Variants in ACBD6 observed in about 807,000 individuals in gnomAD.
ACBD6 encodes the protein acyl-CoA-binding domain-containing protein 6.
ACBD6 carries 28 observed loss-of-function variants against 37.2 expected under a neutral mutation model. The observed-to-expected ratio is 0.75, with a 90% confidence interval of 0.56 to 1.03. The LOEUF (loss-of-function observed/expected upper bound fraction) is 1.03, where lower values mean the gene tolerates loss of function less well. ACBD6 is among the 50% of genes least tolerant of loss of function. ACBD6 has a pLI of 0.00. For synonymous variants in ACBD6, 113 were observed against 126.8 expected (o/e 0.89, Z 0.73); for missense variants, 340 against 337.4 (o/e 1.01, Z -0.06).
chr1:180,394,222 T>C (rs368797687), intron 6 of ACBD6, among the ~76,000 whole-genome samples: 3 of 151,472 alleles, frequency 2.0e-5, no homozygotes, highest in African/African-American at 7.3e-5. Flanking sequence ...GCCTCCAGAG[T>C]AGTTAGGACT....
chr1:180,357,630 A>G (rs1652678762), intron 6 of ACBD6, among the ~76,000 whole-genome samples: 1 of 152,238 alleles, frequency 6.6e-6, no homozygotes, highest in Admixed American at 6.5e-5. Context: ...AAGTGTTTTG[A>G]AGATACAAAT....
chr1:180,314,298 G>T (rs1199031209), intron 7 of ACBD6, among the ~76,000 whole-genome samples: 8 of 152,132 alleles, frequency 5.3e-5, no homozygotes, highest in African/African-American at 1.9e-4. Flanking sequence ...AGGCTGGAGT[G>T]CAGTGGTGCA....
chr1:180,274,288 G>A, intron 10 of ACBD6: 1 of 1,614,230 alleles, frequency 6.2e-7, no homozygotes, highest in Non-Finnish European at 8.5e-7. Flanking sequence ...CCATGGACGG[G>A]ACAGGACAAT....
At chr1:180,334,676 G>C (rs997755753) in intron 6 of ACBD6, among the ~76,000 whole-genome samples, 3 of 152,204 alleles carry the variant, frequency 2.0e-5, no homozygotes, top group Non-Finnish European at 4.4e-5. Context: ...ACTTTGATGA[G>C]TTGAGAGAAG....
chr1:180,444,265 C>G (rs1649394529), intron 3 of ACBD6, among the ~76,000 whole-genome samples: 1 of 144,680 alleles, frequency 6.9e-6, no homozygotes, highest in Non-Finnish European at 1.5e-5. Context: ...GTCTGGGCGA[C>G]AGAGTGAGAT....
rs75158824 is a variant in ACBD6 at position 180,404,236 on chromosome 1, T to A, written c.574-6631A>T. Reference sequence around the variant, plus strand: ...AAAGTGCTGAGATTAAGGCATCAGCTACCACACCTGGCTTGGTACAGAGTT... The same window carrying A: ...AAAGTGCTGAGATTAAGGCATCAGCAACCACACCTGGCTTGGTACAGAGTT... On this transcript the variant is annotated intron_variant, in intron 5 of 7. Coordinates refer to ENST00000367595, the MANE Select transcript of ACBD6 (RefSeq NM_032360.4). Among the ~76,000 whole-genome samples, 744 of 152,036 alleles carry A rather than the reference T, an allele frequency of 4.9e-3. 2 individuals carry two copies. Among genetic ancestry groups the A allele is most frequent in the Non-Finnish European group, 7.8e-3 (532 of 67,944 alleles).
intron 3 of ACBD6, among the ~76,000 whole-genome samples, chr1:180,454,043 C>T (rs1557877451): frequency 6.6e-6 from 1 of 152,040 alleles, no homozygotes; most frequent in Non-Finnish European, 1.5e-5. Flanking sequence ...TCATATGGAA[C>T]CAAAAAAGAG....
chr1:180,414,323 C>A (rs1187348538), intron 4 of ACBD6, among the ~76,000 whole-genome samples: 1 of 152,170 alleles, frequency 6.6e-6, no homozygotes, highest in South Asian at 2.1e-4. Flanking sequence ...ATGCATTTTG[C>A]GTTCCAAAAA....
chr1:180,327,716 C>G (rs977523665), intron 6 of ACBD6, among the ~76,000 whole-genome samples: 8 of 152,144 alleles, frequency 5.3e-5, no homozygotes, highest in Non-Finnish European at 7.4e-5. Context: ...TTATTTCCTA[C>G]AGTGTGGAGT....
At chr1:180,273,296 G>A (rs1190212645) in intron 12 of ACBD6, 1 of 152,348 alleles carries the variant, frequency 6.6e-6, no homozygotes, top group Non-Finnish European at 1.5e-5. Flanking sequence ...AGAACACAGG[G>A]CCCGTGAGGC....
intron 5 of ACBD6, among the ~76,000 whole-genome samples, chr1:180,411,054 T>C (rs1647834112): frequency 6.6e-6 from 1 of 152,154 alleles, no homozygotes; most frequent in African/African-American, 2.4e-5. Flanking sequence ...AAGACTTCAG[T>C]GGAAAAGTTA....
intron 1 of ACBD6, among the ~76,000 whole-genome samples, chr1:180,501,435 C>G (rs1215900152): frequency 6.6e-6 from 1 of 152,298 alleles, no homozygotes; most frequent in East Asian, 1.9e-4. Context: ...ACCGCAACCT[C>G]CGCCTCCTCA....
intron 3 of ACBD6, among the ~76,000 whole-genome samples, chr1:180,479,128 G>A (rs147129262): frequency 1.6e-3 from 249 of 152,272 alleles, no homozygotes; most frequent in African/African-American, 5.4e-3. Context: ...GCAAGACCTT[G>A]TCTCTAAAAA....
At chr1:180,298,111 A>G (rs1558238697) in intron 7 of ACBD6, among the ~76,000 whole-genome samples, 1 of 152,222 alleles carries the variant, frequency 6.6e-6, no homozygotes, top group African/African-American at 2.4e-5. Flanking sequence ...ATCACTGTAT[A>G]CCAAATTGGA....
chr1:180,311,123 C>T (rs1650574210), intron 7 of ACBD6, among the ~76,000 whole-genome samples: 1 of 152,170 alleles, frequency 6.6e-6, no homozygotes, highest in Non-Finnish European at 1.5e-5. Context: ...ATACCTCCTC[C>T]TGAGCAAAGG....
At chr1:180,407,616 C>A (rs1647676687) in intron 5 of ACBD6, among the ~76,000 whole-genome samples, 1 of 152,094 alleles carries the variant, frequency 6.6e-6, no homozygotes, top group Non-Finnish European at 1.5e-5. Context: ...TCTTTTTCTT[C>A]TTTTTATTTA....
At chr1:180,330,683 C>A (rs778140482) in intron 6 of ACBD6, among the ~76,000 whole-genome samples, 64 of 151,860 alleles carry the variant, frequency 4.2e-4, no homozygotes, top group Non-Finnish European at 8.2e-4. Context: ...GGCAACTGAT[C>A]AAATGTACAT....
At chr1:180,413,513 C>A in intron 4 of ACBD6, 42 bp from the exon 5 acceptor site, 1 of 1,387,782 alleles carries the variant, frequency 7.2e-7, no homozygotes, top group Non-Finnish European at 1.0e-6. Context: ...CTGGGTAATA[C>A]ATTAAAGTTA....
intron 6 of ACBD6, among the ~76,000 whole-genome samples, chr1:180,343,839 C>T (rs1323493575): frequency 1.3e-5 from 2 of 152,120 alleles, no homozygotes; most frequent in Admixed American, 6.6e-5. Flanking sequence ...GTGGCCGAGG[C>T]AGGTGAATCG....
Sources: gnomAD v4.1 joint callset for allele counts (sites outside exome capture counted in the v4.1 genomes callset) on GRCh38, gnomAD v4.1.1 for gene constraint, MANE v1.5 for transcripts, NCBI Gene and HGNC (gene_info 2026-07-23, HGNC 2026-07-21) for gene names.